NT5DC1: variants seen among roughly 807,000 people sequenced by gnomAD.
The protein encoded by NT5DC1 is 5'-nucleotidase domain-containing protein 1.
NT5DC1 carries 42 observed loss-of-function variants against 59.4 expected under a neutral mutation model. That is an observed-to-expected ratio of 0.71 (90% CI 0.55 to 0.92). The LOEUF is 0.92. Among genes scored for constraint, NT5DC1 ranks in the 40% least tolerant of loss-of-function variants. The pLI is 0.00. For synonymous variants in NT5DC1, 172 were observed against 188.1 expected (o/e 0.91, Z 0.70); for missense variants, 501 against 537.1 (o/e 0.93, Z 0.66).
intron 11 of NT5DC1, among the ~76,000 whole-genome samples, chr6:116,241,645 CG>C (rs1771715993): frequency 6.6e-6 from 1 of 151,938 alleles, no homozygotes; most frequent in Admixed American, 6.5e-5. Context: ...GCAAGACGGC[CG>C]GGTGCGGTGG....
At chr6:116,223,440 G>C (rs1039140528) in intron 8 of NT5DC1, among the ~76,000 whole-genome samples, 1 of 152,168 alleles carries the variant, frequency 6.6e-6, no homozygotes, top group Non-Finnish European at 1.5e-5. Flanking sequence ...TTATCTTCTA[G>C]AACAAAAGCG....
rs1782178722 is a variant in NT5DC1 at position 116,239,129 on chromosome 6, G to A, written c.1252+6G>A. 1 of 1,599,824 alleles carries A rather than the reference G, an allele frequency of 6.3e-7. No homozygotes were observed. Among genetic ancestry groups the A allele is most frequent in the East Asian group, 2.2e-5 (1 of 44,686 alleles). ...AAGTATTGAAGCAATCGCAGGTAAG[G>A]GGGAAAATACCTATAAAGCTTCACC... On this transcript the variant is annotated splice_donor_region_variant and intron_variant, in intron 11 of 11. Coordinates refer to ENST00000319550, the MANE Select transcript of NT5DC1 (RefSeq NM_152729.3).
chr6:116,141,765 T>G (rs749020427), intron 6 of NT5DC1, among the ~76,000 whole-genome samples: 17 of 151,672 alleles, frequency 1.1e-4, no homozygotes, highest in Non-Finnish European at 2.1e-4. Context: ...TTTTGTTTTT[T>G]TTTTTTGTTT....
At chr6:116,133,272 C>T (rs1341121314) in intron 6 of NT5DC1, among the ~76,000 whole-genome samples, 1 of 152,182 alleles carries the variant, frequency 6.6e-6, no homozygotes, top group Non-Finnish European at 1.5e-5. Context: ...CAACCATTCA[C>T]ACATGTTAGT....
At chr6:116,190,653 T>C (rs1039807938) in intron 6 of NT5DC1, among the ~76,000 whole-genome samples, 2 of 151,974 alleles carry the variant, frequency 1.3e-5, no homozygotes, top group African/African-American at 4.8e-5. Context: ...CTTTATTGGA[T>C]CGTCAATAAA....
At chr6:116,218,747 C>G (rs913313752) in intron 6 of NT5DC1, among the ~76,000 whole-genome samples, 4 of 151,988 alleles carry the variant, frequency 2.6e-5, no homozygotes, top group Non-Finnish European at 4.4e-5. Flanking sequence ...AGAGCAAAAA[C>G]TTTGTTTTTG....
intron 6 of NT5DC1, among the ~76,000 whole-genome samples, chr6:116,215,863 C>T (rs373505553): frequency 3.9e-5 from 6 of 152,120 alleles, no homozygotes; most frequent in East Asian, 3.9e-4. Context: ...AAAATACTGC[C>T]GACCCAAAAT....
intron 8 of NT5DC1, among the ~76,000 whole-genome samples, chr6:116,234,242 G>T (rs746012924): frequency 6.6e-6 from 1 of 151,942 alleles, no homozygotes; most frequent in Non-Finnish European, 1.5e-5. Flanking sequence ...TTACAGGTGT[G>T]AGCCACCATG....
At chr6:116,179,983 C>T (rs1222068311) in intron 6 of NT5DC1, among the ~76,000 whole-genome samples, 1 of 151,910 alleles carries the variant, frequency 6.6e-6, no homozygotes, top group Non-Finnish European at 1.5e-5. Flanking sequence ...GTTCTAGCTG[C>T]ATAAAATACC....
intron 6 of NT5DC1, among the ~76,000 whole-genome samples, chr6:116,172,038 A>G (rs1462378849): frequency 3.3e-5 from 5 of 152,186 alleles, no homozygotes; most frequent in Non-Finnish European, 7.4e-5. Context: ...GAAGGTAGAG[A>G]AAACACTCTC....
At chr6:116,121,754 CCTCT>C (rs1473887038) in intron 6 of NT5DC1, 3 of 1,613,880 alleles carry the variant, frequency 1.9e-6, no homozygotes, top group East Asian at 2.2e-5. Context: ...TCCATATGGT[CCTCT>C]CTCTCCTGGT....
At chr6:116,198,754 A>G (rs1486302302) in intron 6 of NT5DC1, among the ~76,000 whole-genome samples, 1 of 151,892 alleles carries the variant, frequency 6.6e-6, no homozygotes, top group Admixed American at 6.6e-5. Context: ...TAAAAAAAGG[A>G]CTACAGGAGT....
At chr6:116,194,753 A>G (rs1201560191) in intron 6 of NT5DC1, among the ~76,000 whole-genome samples, 1 of 152,096 alleles carries the variant, frequency 6.6e-6, no homozygotes. Flanking sequence ...AGAGTTAGAA[A>G]CAAATGACTA....
intron 6 of NT5DC1, among the ~76,000 whole-genome samples, chr6:116,162,015 A>G (rs1268442812): frequency 6.6e-6 from 1 of 151,936 alleles, no homozygotes; most frequent in Non-Finnish European, 1.5e-5. Context: ...GTATTCCTAG[A>G]TAGTCTATGT....
At chr6:116,171,949 G>C (rs1361262597) in intron 6 of NT5DC1, among the ~76,000 whole-genome samples, 1 of 152,162 alleles carries the variant, frequency 6.6e-6, no homozygotes, top group Non-Finnish European at 1.5e-5. Context: ...TTAGTGGATA[G>C]GATTTTATTG....
At chr6:116,206,438 A>G (rs1781452527) in intron 6 of NT5DC1, among the ~76,000 whole-genome samples, 1 of 151,996 alleles carries the variant, frequency 6.6e-6, no homozygotes, top group South Asian at 2.1e-4. Flanking sequence ...AGGAAATTGC[A>G]CAACTAAGAC....
Position 116,219,835 on chromosome 6 carries a change from G to A in NT5DC1, c.530-1219G>A, listed in dbSNP as rs564126593. Among the ~76,000 whole-genome samples the A allele has an allele frequency of 1.1e-4, 16 of 151,848 alleles. No individual in the cohort carries two copies. In the South Asian group the frequency reaches 2.7e-3, roughly 26 times the overall value. On this transcript the variant is annotated intron_variant, in intron 6 of 11. Transcript: ENST00000319550. ...AAGTTAGCTGGGCGTGGTGGCACAC[G>A]CCTGTAGTCCCAGCTACTAGGGAGG...
In NT5DC1 at chr6:116,244,698, A is replaced by G. The variant is rs927350255; in HGVS notation, c.*674A>G. The G allele has an allele frequency of 5.9e-5, 9 of 152,212 alleles. No homozygotes were observed. The highest frequency in any genetic ancestry group is 1.9e-4 in the African/African-American group (8 of 41,462). 9.4% of individuals were successfully genotyped at this position (152,212 alleles called of 1,614,324 possible). On this transcript the variant is annotated 3_prime_UTR_variant, in exon 12 of 12. Coordinates refer to ENST00000319550, the MANE Select transcript of NT5DC1 (RefSeq NM_152729.3). ...TGAGATTAAGTGATTTTTGCAGGCT[A>G]TGAGGTTTTATGCTATTCCTGTGTT...
In NT5DC1 at chr6:116,106,241, C is replaced by CA; in HGVS notation, c.94-2dup. Reference sequence around the variant, plus strand: ...AATCTGTTTTTCTTCCCCTTATTTGCAGCTCATTTATAATAGCTTTGCCCA... The same window carrying CA: ...AATCTGTTTTTCTTCCCCTTATTTGCAAGCTCATTTATAATAGCTTTGCCCA... On this transcript the variant is annotated splice_region_variant and splice_polypyrimidine_tract_variant and intron_variant, in intron 1 of 11. Transcript: ENST00000319550. 1 of 1,450,380 alleles carries CA rather than the reference C, an allele frequency of 6.9e-7. No individual in the cohort carries two copies. Among genetic ancestry groups the CA allele is most frequent in the Non-Finnish European group, 9.7e-7 (1 of 1,032,132 alleles). The allele number at this position is 1,450,380 out of a possible 1,614,324, so 89.8% of individuals were successfully genotyped here.
Sources: allele counts gnomAD v4.1 joint callset (sites outside exome capture counted in the v4.1 genomes callset), GRCh38; gene constraint gnomAD v4.1.1; transcripts MANE v1.5; gene names NCBI Gene and HGNC (gene_info 2026-07-23, HGNC 2026-07-21).